Variants in NHSL1 observed in about 807,000 individuals in gnomAD.
NHSL1 encodes NHS-like protein 1.
In NHSL1, 48 loss-of-function variants were observed where a neutral mutation model predicts 95.0. That is an observed-to-expected ratio of 0.51 (90% CI 0.40 to 0.64). The LOEUF is 0.64. NHSL1 is among the 30% of genes least tolerant of loss of function. The pLI is 0.00. For missense variants in NHSL1, 1,971 were observed against 2,077.7 expected, an observed-to-expected ratio of 0.95 and a Z score of 1.00; for synonymous variants, 783 against 833.9, an observed-to-expected ratio of 0.94 and a Z score of 1.05.
chr6:138,645,114 G>A (rs1212839560), intron 1 of NHSL1, among the ~76,000 whole-genome samples: 1 of 152,190 alleles, frequency 6.6e-6, no homozygotes, highest in Non-Finnish European at 1.5e-5. Flanking sequence ...TTACTATGTG[G>A]TTCTGTTCTA....
intron 1 of NHSL1, among the ~76,000 whole-genome samples, chr6:138,676,420 A>G (rs1287337257): frequency 6.6e-6 from 1 of 152,160 alleles, no homozygotes; most frequent in Non-Finnish European, 1.5e-5. Flanking sequence ...AAATAAAACT[A>G]GTCTAAAAAA....
Position 138,430,808 on chromosome 6 carries a change from G to A in NHSL1, c.3537C>T (p.Ser1179=). The change falls in exon 6 of 8, where the codon AGC becomes AGT. Residue 1179 remains serine, a synonymous_variant. Coordinates refer to ENST00000343505, the MANE Select transcript of NHSL1 (RefSeq NM_001144060.2). The surrounding 1 kb of genome is among the most constrained non-coding windows in gnomAD (Gnocchi z 4.7). ...AGEAEARPSP[S]TTPLPDSSPS... ...GTGAAGAGTCTGGGAGTGGGGTGGTGCTGGGGCTGGGCCGAGCCTCTGCCT... is the reference window on the plus strand; with the variant it reads ...GTGAAGAGTCTGGGAGTGGGGTGGTACTGGGGCTGGGCCGAGCCTCTGCCT... 6.4e-7 allele frequency: 1 copy of A among 1,551,106 alleles called. No homozygotes were observed. The highest frequency in any genetic ancestry group is 8.7e-7 in the Non-Finnish European group (1 of 1,146,912).
intron 2 of NHSL1, among the ~76,000 whole-genome samples, chr6:138,485,839 C>G (rs955776324): frequency 1.3e-5 from 2 of 152,026 alleles, no homozygotes; most frequent in African/African-American, 2.4e-5. Context: ...TTTTTTAAGC[C>G]TTTAATAATA....
chr6:138,437,656 T>C (rs1776275489), intron 5 of NHSL1, among the ~76,000 whole-genome samples: 1 of 152,068 alleles, frequency 6.6e-6, no homozygotes, highest in Non-Finnish European at 1.5e-5. Context: ...GCAAAGTAAG[T>C]TGGAAACCTG....
rs114366999 is a variant in NHSL1, at chr6:138,687,252, G to A, written c.96+5224C>T. Among the ~76,000 whole-genome samples the A allele has an allele frequency of 5.7e-3, 867 of 151,206 alleles. 7 individuals carry two copies. The highest frequency in any genetic ancestry group is 0.019 in the African/African-American group (791 of 41,096). On this transcript the variant is annotated intron_variant, in intron 1 of 3. Coordinates refer to the NHSL1 transcript ENST00000491526. ...GGAGTTCCAGACCAGCCTGCACAAC[G>A]TATGGAAACCTCATCTCTTTTTAAA... is the stretch of plus-strand genomic sequence containing the variant.
chr6:138,624,799 T>C (rs1413684955), intron 1 of NHSL1, among the ~76,000 whole-genome samples: 1 of 151,960 alleles, frequency 6.6e-6, no homozygotes, highest in Non-Finnish European at 1.5e-5. Flanking sequence ...GCAGAGGAGG[T>C]GTTTGCAAAA....
intron 3 of NHSL1, among the ~76,000 whole-genome samples, chr6:138,458,654 A>C (rs982795636): frequency 3.9e-5 from 6 of 152,014 alleles, no homozygotes; most frequent in South Asian, 2.1e-4. Context: ...GGTGAAACCC[A>C]GTCTCTACTA....
Position 138,424,131 on chromosome 6 carries a change from C to T in NHSL1, c.4771G>A (p.Gly1591Ser). 2.1e-6 allele frequency: 3 copies of T among 1,432,810 alleles called. No individual in the cohort carries two copies. Among genetic ancestry groups the T allele is most frequent in the South Asian group, 1.5e-5 (1 of 66,684 alleles). 88.8% of individuals were successfully genotyped at this position (1,432,810 alleles called of 1,614,324 possible). A position where few individuals can be genotyped will look rare whatever the true frequency, so the allele number is the denominator to read the frequency against. Residue 1591 changes from glycine (G) to serine (S), a missense_variant, in exon 8 of 8, where the codon GGC becomes AGC. This residue lies in a region of NHSL1 where 223 missense variants were observed against 217.0 expected (regional missense o/e 1.03). Transcript: ENST00000343505. The surrounding 1 kb of genome is among the most constrained non-coding windows in gnomAD (Gnocchi z 5.9). ...CCACACTGTGGGGAGGGCTCTCTGC[C>T]CTCTGCACTGGCTGTCCCATCCACA... ...GPVDGTASAEGREPSPQCGGS... is the reference protein window; with the variant it reads ...GPVDGTASAESREPSPQCGGS...
intron 3 of NHSL1, among the ~76,000 whole-genome samples, chr6:138,456,326 A>G (rs1365439760): frequency 1.3e-5 from 2 of 152,224 alleles, no homozygotes; most frequent in Non-Finnish European, 2.9e-5. Flanking sequence ...TACGCTCTCA[A>G]GCATCATGTT....
intron 1 of NHSL1, among the ~76,000 whole-genome samples, chr6:138,544,244 T>C (rs1451344856): frequency 1.3e-5 from 2 of 152,170 alleles, no homozygotes; most frequent in Non-Finnish European, 1.5e-5. Flanking sequence ...CTAAACATTT[T>C]GTAGAACAAT....
upstream of NHSL1, among the ~76,000 whole-genome samples, chr6:138,577,277 T>C (rs1783986082): frequency 6.6e-6 from 1 of 152,242 alleles, no homozygotes; most frequent in Non-Finnish European, 1.5e-5. Flanking sequence ...ACTCGCCATC[T>C]GTGTAAAATG....
At chr6:138,636,774 T>A (rs1784893911) in intron 1 of NHSL1, among the ~76,000 whole-genome samples, 1 of 152,088 alleles carries the variant, frequency 6.6e-6, no homozygotes, top group East Asian at 1.9e-4. Context: ...ACCAAAAAAA[T>A]GGAAAAATAT....
chr6:138,432,496 G>A lies in NHSL1; in HGVS notation c.1849C>T (p.His617Tyr). Residue 617 changes from histidine to tyrosine, a missense_variant, in exon 6 of 8, where the codon CAT becomes TAT. Physicochemically the swap from His to Tyr is moderately conservative, Grantham distance 83 (BLOSUM62 2). Transcript: ENST00000343505. The surrounding 1 kb of genome is among the most constrained non-coding windows in gnomAD (Gnocchi z 4.4). ...CTATTGCACAGATTCCCAGATCCAT[G>A]TCCAGAGTCAGTGTGCACAGATGCA... ...YCASVHTDSGHGSGNLCNSSD... is the reference protein window; with the variant it reads ...YCASVHTDSGYGSGNLCNSSD... The A allele has an allele frequency of 1.9e-6, 3 of 1,552,120 alleles. No individual in the cohort carries two copies. The highest frequency in any genetic ancestry group is 2.6e-6 in the Non-Finnish European group (3 of 1,146,962).
At chr6:138,679,234 A>C (rs1234074364) in intron 1 of NHSL1, among the ~76,000 whole-genome samples, 1 of 152,236 alleles carries the variant, frequency 6.6e-6, no homozygotes, top group African/African-American at 2.4e-5. Flanking sequence ...CAGATGTCAG[A>C]CTGCCATTTT....
chr6:138,644,364 G>C (rs1034904522), intron 1 of NHSL1, among the ~76,000 whole-genome samples: 16 of 151,978 alleles, frequency 1.1e-4, no homozygotes, highest in Admixed American at 4.6e-4. Flanking sequence ...AGCCAAGCGT[G>C]GTGGTGCATA....
chr6:138,666,013 G>C lies in NHSL1; in HGVS notation c.96+26463C>G, dbSNP rs116851757. On this transcript the variant is annotated intron_variant, in intron 1 of 3. Coordinates refer to the NHSL1 transcript ENST00000491526. ...AATCCATAAGGACACACACAGTAAA[G>C]AAAGAATTGGCCGGGTGCAGTGGCT... Among the ~76,000 whole-genome samples, 328 of 152,342 alleles carry C rather than the reference G, an allele frequency of 2.2e-3. 9 individuals are homozygous for C. In the East Asian group the frequency reaches 0.059, roughly 28 times the overall value.
chr6:138,520,202 ATAAC>A (rs1245849204), intron 1 of NHSL1, among the ~76,000 whole-genome samples: 6 of 152,086 alleles, frequency 3.9e-5, no homozygotes, highest in South Asian at 2.1e-4. Flanking sequence ...ATAAATATCA[ATAAC>A]TAACCAATAA....
intron 1 of NHSL1, among the ~76,000 whole-genome samples, chr6:138,621,561 C>T (rs1231869240): frequency 6.6e-6 from 1 of 151,980 alleles, no homozygotes; most frequent in Non-Finnish European, 1.5e-5. Flanking sequence ...CAACCTCCAC[C>T]TCCCAGTTTC....
At chr6:138,592,696 A>C (rs561892754) in intron 1 of NHSL1, among the ~76,000 whole-genome samples, 1 of 152,316 alleles carries the variant, frequency 6.6e-6, no homozygotes, top group Admixed American at 6.5e-5. Context: ...GTATGCAGGT[A>C]ATTGCCCTTA....
Sources: allele counts gnomAD v4.1 joint callset (sites outside exome capture counted in the v4.1 genomes callset), GRCh38; gene constraint gnomAD v4.1.1; regional missense constraint gnomAD v4.1.1; non-coding constraint Gnocchi (gnomAD v3.1); transcripts MANE v1.5; gene names NCBI Gene and HGNC (gene_info 2026-07-23, HGNC 2026-07-21).